PTPN4: variants seen among roughly 807,000 people sequenced by gnomAD.
The protein encoded by PTPN4 is tyrosine-protein phosphatase non-receptor type 4.
Under a neutral mutation model 135.5 loss-of-function variants are expected in PTPN4, and 49 were observed. The ratio of observed to expected loss-of-function variants is 0.36; its 90% confidence interval spans 0.29 to 0.46. The LOEUF is 0.46. PTPN4 is among the 20% of genes least tolerant of loss of function. The probability of loss-of-function intolerance (pLI) is 1.00; values close to 1 mark genes in which losing one functional copy is unlikely to be tolerated. For synonymous variants in PTPN4, 333 were observed against 369.9 expected (o/e 0.90, Z 1.14); for missense variants, 860 against 1,101.0 (o/e 0.78, Z 3.10).
At chr2:119,947,052 T>C (rs951325186) in intron 18 of PTPN4, among the ~76,000 whole-genome samples, 1 of 152,206 alleles carries the variant, frequency 6.6e-6, no homozygotes, top group African/African-American at 2.4e-5. Flanking sequence ...TCCATTATGA[T>C]GAATCTCCTA....
chr2:119,940,344 T>C (rs1386277578), intron 15 of PTPN4, among the ~76,000 whole-genome samples: 1 of 152,230 alleles, frequency 6.6e-6, no homozygotes. Context: ...CTGTATCTAA[T>C]GTAATATAAG....
intron 1 of PTPN4, among the ~76,000 whole-genome samples, chr2:119,778,558 G>T (rs1440613621): frequency 2.0e-5 from 3 of 152,184 alleles, no homozygotes; most frequent in Admixed American, 1.3e-4. Context: ...TAGGGCCTTA[G>T]TGGGTCGGGA....
intron 10 of PTPN4, among the ~76,000 whole-genome samples, chr2:119,907,639 A>G (rs907065275): frequency 3.3e-5 from 5 of 152,100 alleles, no homozygotes; most frequent in East Asian, 1.9e-4. Context: ...ATGGAACCCT[A>G]AAAGATCCTG....
At chr2:119,845,038 G>A (rs891832009) in intron 2 of PTPN4, among the ~76,000 whole-genome samples, 19 of 149,528 alleles carry the variant, frequency 1.3e-4, no homozygotes, top group Non-Finnish European at 2.2e-4. Flanking sequence ...ATCACTCGCG[G>A]TTAGGGGCTG....
rs1677530484 is a variant in PTPN4 at position 119,847,982 on chromosome 2, A to AT, written c.139-14548dup. Among the ~76,000 whole-genome samples the AT allele has an allele frequency of 2.7e-5, 4 of 148,852 alleles. No individual in the cohort carries two copies. The South Asian group carries it at 8.7e-4, about 32-fold the overall frequency. ...GTTTCCTCGTACATGAGGAGTTGTC[A>AT]TTTTTTCTTTTGCTGCTTTCAAGAT... On this transcript the variant is annotated intron_variant, in intron 2 of 26. Coordinates refer to ENST00000263708, the MANE Select transcript of PTPN4 (RefSeq NM_002830.4).
intron 5 of PTPN4, among the ~76,000 whole-genome samples, chr2:119,880,596 A>ATT (rs754993839): frequency 4.2e-5 from 6 of 143,408 alleles, no homozygotes; most frequent in African/African-American, 1.3e-4. Flanking sequence ...CGCCTGGCTA[A>ATT]TTTTTTTTTT....
In PTPN4 at chr2:119,932,504, A is replaced by G; in HGVS notation, c.1151A>G (p.Glu384Gly). The G allele has an allele frequency of 6.2e-7, 1 of 1,612,404 alleles. No homozygotes were observed. The highest frequency in any genetic ancestry group is 8.5e-7 in the Non-Finnish European group (1 of 1,178,708). ...SRNSISDDRL[E>G]TQSLPSRSPP... ...AATTCAATATCTGATGACAGGTTAG[A>G]AACACAAAGTCTTCCATCACGATCT... is the stretch of plus-strand genomic sequence containing the variant. Residue 384 changes from glutamate (E) to glycine (G), a missense_variant, in exon 14 of 27, where the codon GAA (glutamate) becomes GGA (glycine). Around this residue, in one of 2 missense-constraint regions of PTPN4, gnomAD observed 684 missense variants for 807.0 expected, o/e 0.85. Transcript: ENST00000263708.
intron 2 of PTPN4, among the ~76,000 whole-genome samples, chr2:119,830,546 G>A (rs938420051): frequency 1.3e-5 from 2 of 152,132 alleles, no homozygotes; most frequent in Admixed American, 1.3e-4. Flanking sequence ...TTGGCTCAGT[G>A]CAGCCTCAGC....
At chr2:119,964,846 G>T (rs567197214) in intron 24 of PTPN4, among the ~76,000 whole-genome samples, 33 of 152,262 alleles carry the variant, frequency 2.2e-4, no homozygotes, top group African/African-American at 7.7e-4. Flanking sequence ...CCAATGACAT[G>T]AATATATTTT....
intron 2 of PTPN4, among the ~76,000 whole-genome samples, chr2:119,842,050 T>C (rs1223383953): frequency 6.6e-6 from 1 of 152,210 alleles, no homozygotes; most frequent in Non-Finnish European, 1.5e-5. Context: ...AATAATTTGT[T>C]ACAGTTTACA....
intron 9 of PTPN4, among the ~76,000 whole-genome samples, chr2:119,897,760 T>C (rs1184825301): frequency 6.6e-6 from 1 of 152,234 alleles, no homozygotes; most frequent in Non-Finnish European, 1.5e-5. Context: ...ACTACATAGT[T>C]AAAGCTCATC....
At chr2:119,940,762 T>C (rs1052343018) in intron 15 of PTPN4, among the ~76,000 whole-genome samples, 1 of 152,224 alleles carries the variant, frequency 6.6e-6, no homozygotes, top group Non-Finnish European at 1.5e-5. Flanking sequence ...TTTTCTAGTC[T>C]ATTGGAATAA....
In PTPN4 at chr2:119,979,755, C is replaced by T. The variant is rs1431967558; in HGVS notation, c.*2685C>T. 9 of 152,106 alleles carry T rather than the reference C, an allele frequency of 5.9e-5. No homozygotes were observed. The highest frequency in any genetic ancestry group is 5.9e-4 in the Admixed American group (9 of 15,272). 9.4% of individuals were successfully genotyped at this position (152,106 alleles called of 1,614,324 possible). A position where few individuals can be genotyped will look rare whatever the true frequency, so the allele number is the denominator to read the frequency against. ...GTATCTAAGCTACGCTCCCACTCTTCCAGCCACCCCTACCTCCCACCTTGA... is the reference window on the plus strand; with the variant it reads ...GTATCTAAGCTACGCTCCCACTCTTTCAGCCACCCCTACCTCCCACCTTGA... On this transcript the variant is annotated 3_prime_UTR_variant, in exon 27 of 27. Transcript: ENST00000263708.
At chr2:119,836,692 C>T (rs1318074118) in intron 2 of PTPN4, among the ~76,000 whole-genome samples, 2 of 152,236 alleles carry the variant, frequency 1.3e-5, no homozygotes, top group African/African-American at 2.4e-5. Context: ...CCCCTCAGCC[C>T]CTGCAGGCTT....
In PTPN4 at chr2:119,900,701, A is replaced by G; in HGVS notation, c.676-17A>G. 1 of 1,448,084 alleles carries G rather than the reference A, an allele frequency of 6.9e-7. No homozygotes were observed. The highest frequency in any genetic ancestry group is 2.2e-5 in the Admixed American group (1 of 46,094). 89.7% of individuals were successfully genotyped at this position (1,448,084 alleles called of 1,614,324 possible). A position where few individuals can be genotyped will look rare whatever the true frequency, so the allele number is the denominator to read the frequency against. ...ATAAATTTAGATTTATCATGTTTTT[A>G]TTCATTTTTTTTGAAGGATCAGAGT... On this transcript the variant is annotated splice_polypyrimidine_tract_variant and intron_variant, in intron 9 of 26. Transcript: ENST00000263708.
intron 3 of PTPN4, among the ~76,000 whole-genome samples, chr2:119,865,644 T>C (rs1008736948): frequency 3.3e-5 from 5 of 152,038 alleles, no homozygotes; most frequent in African/African-American, 1.2e-4. Context: ...TTACTATCAG[T>C]GATCCAAAGG....
intron 13 of PTPN4, among the ~76,000 whole-genome samples, chr2:119,929,431 A>G (rs1558766974): frequency 6.6e-6 from 1 of 152,064 alleles, no homozygotes; most frequent in Non-Finnish European, 1.5e-5. Context: ...TTTTTTAGCA[A>G]TCATTAAATG....
chr2:119,958,470 C>A (rs192987009), intron 22 of PTPN4, among the ~76,000 whole-genome samples: 4 of 152,154 alleles, frequency 2.6e-5, no homozygotes, highest in Non-Finnish European at 5.9e-5. Context: ...AAAAGAGTCC[C>A]CCCATACCTC....
chr2:119,797,876 G>A (rs896421436), intron 1 of PTPN4, among the ~76,000 whole-genome samples: 2 of 151,998 alleles, frequency 1.3e-5, no homozygotes, highest in East Asian at 1.9e-4. Context: ...TTGCCTAAGC[G>A]CTTCTTCTTT....
Sources: allele counts gnomAD v4.1 joint callset (sites outside exome capture counted in the v4.1 genomes callset), GRCh38; gene constraint gnomAD v4.1.1; regional missense constraint gnomAD v4.1.1; transcripts MANE v1.5; gene names NCBI Gene and HGNC (gene_info 2026-07-23, HGNC 2026-07-21).